Variants in MBD5 observed in about 807,000 individuals in gnomAD.
MBD5 encodes methyl-CpG binding domain protein 5.
MBD5 carries 13 observed loss-of-function variants against 117.3 expected under a neutral mutation model. The ratio of observed to expected loss-of-function variants is 0.11; its 90% CI spans 0.07 to 0.18. MBD5 has a LOEUF of 0.18. MBD5 is among the 10% of genes least tolerant of loss of function. MBD5 has a pLI of 1.00. For synonymous variants in MBD5, 727 were observed against 766.4 expected (o/e 0.95, Z 0.85); for missense variants, 1,879 against 2,093.8 (o/e 0.90, Z 2.00).
chr2:148,308,256 C>T (rs1701941216), intron 3 of MBD5, among the ~76,000 whole-genome samples: 1 of 152,046 alleles, frequency 6.6e-6, no homozygotes, highest in Non-Finnish European at 1.5e-5. Context: ...ACCCTCCCAC[C>T]ACAGTGTAAA....
Position 148,468,739 on chromosome 2 carries a change from A to G in MBD5, c.796A>G (p.Ile266Val), listed in dbSNP as rs568826753. ...TCATGGAGCTCCCAATTCTAGTCCT[A>G]TTCACCTGAATAGGACTCCTCTTTC... ...GFHGAPNSSP[I>V]HLNRTPLSPP... is the part of the protein sequence containing the mutation. Residue 266 changes from isoleucine to valine, a missense_variant, in exon 8 of 14, where the codon ATT becomes GTT. Coordinates refer to ENST00000642680, the MANE Select transcript of MBD5 (RefSeq NM_001378120.1). 192 of 1,613,884 alleles carry G rather than the reference A, an allele frequency of 1.2e-4. No individual in the cohort carries two copies. The highest frequency in any genetic ancestry group is 1.4e-4 in the Non-Finnish European group (169 of 1,179,884).
chr2:148,328,162 G>T (rs1272706668), intron 3 of MBD5, among the ~76,000 whole-genome samples: 1 of 152,180 alleles, frequency 6.6e-6, no homozygotes, highest in East Asian at 1.9e-4. Context: ...CGGGGGTCAG[G>T]GGTCAGGGAC....
At chr2:148,315,511 T>C (rs1409671339) in intron 3 of MBD5, among the ~76,000 whole-genome samples, 2 of 152,232 alleles carry the variant, frequency 1.3e-5, no homozygotes, top group African/African-American at 4.8e-5. Context: ...GCTTCATGTT[T>C]ATCCTGGGCC....
chr2:148,412,270 TTTTG>T (rs1178299024), intron 4 of MBD5, among the ~76,000 whole-genome samples: 7 of 91,074 alleles, frequency 7.7e-5, no homozygotes, highest in African/African-American at 4.5e-4. Flanking sequence ...GTAGTATACT[TTTTG>T]TGTGTGTGTG....
At chr2:148,338,880 T>C (rs947115815) in intron 3 of MBD5, among the ~76,000 whole-genome samples, 4 of 152,198 alleles carry the variant, frequency 2.6e-5, no homozygotes, top group African/African-American at 9.6e-5. Context: ...GATAGACCTG[T>C]GGCAAACTGA....
chr2:148,246,676 A>C (rs1260952844), intron 3 of MBD5, among the ~76,000 whole-genome samples: 2 of 141,516 alleles, frequency 1.4e-5, no homozygotes, highest in Non-Finnish European at 3.0e-5. Flanking sequence ...AGGCAGGAGA[A>C]TTGCTTGAAC....
At chr2:148,391,770 T>C (rs1000033420) in intron 4 of MBD5, among the ~76,000 whole-genome samples, 1 of 152,186 alleles carries the variant, frequency 6.6e-6, no homozygotes, top group Non-Finnish European at 1.5e-5. Context: ...GGTATATTGA[T>C]GAAGTTATCA....
intron 3 of MBD5, among the ~76,000 whole-genome samples, chr2:148,291,400 G>A (rs574329086): frequency 6.6e-6 from 1 of 152,244 alleles, no homozygotes; most frequent in East Asian, 1.9e-4. Context: ...TTTTTAAAAT[G>A]TAACTTCACT....
chr2:148,061,014 A>G (rs1190639837), intron 1 of MBD5, among the ~76,000 whole-genome samples: 5 of 152,096 alleles, frequency 3.3e-5, no homozygotes, highest in Non-Finnish European at 7.4e-5. Flanking sequence ...CATTGTAAAA[A>G]GTTTTCCCAA....
chr2:148,305,775 T>C (rs1701876482), intron 3 of MBD5, among the ~76,000 whole-genome samples: 1 of 152,212 alleles, frequency 6.6e-6, no homozygotes. Flanking sequence ...AAAATTAGAA[T>C]GTTAGTTTGG....
At position 148,412,919 on chromosome 2, in the gene MBD5, T is replaced by G. The variant is rs143657249; in HGVS notation, c.-556-45284T>G. On this transcript the variant is annotated intron_variant, in intron 4 of 13. Transcript: ENST00000642680. ...ATCGTCTGCAAACAGATGGTTTGGC[T>G]TCCTGTCTTTCTATTTCAATGACTT... Among the ~76,000 whole-genome samples, 342 of 152,276 alleles carry G rather than the reference T, an allele frequency of 2.2e-3. 2 individuals carry two copies. Among genetic ancestry groups the G allele is most frequent in the African/African-American group, 7.9e-3 (330 of 41,566 alleles).
intron 3 of MBD5, among the ~76,000 whole-genome samples, chr2:148,316,269 A>G (rs956294068): frequency 2.0e-5 from 3 of 152,158 alleles, no homozygotes; most frequent in Non-Finnish European, 2.9e-5. Flanking sequence ...GACTACCCCA[A>G]TCAGGACTCT....
At chr2:148,101,318 C>T (rs1696211061) in intron 1 of MBD5, among the ~76,000 whole-genome samples, 1 of 151,794 alleles carries the variant, frequency 6.6e-6, no homozygotes, top group Non-Finnish European at 1.5e-5. Context: ...AAAAATTAGC[C>T]AGGCATGGTG....
At chr2:148,296,170 G>T in intron 3 of MBD5, 1 of 202,100 alleles carries the variant, frequency 4.9e-6, no homozygotes, top group South Asian at 1.0e-4. Flanking sequence ...GGTCTGGTGT[G>T]CTGTTGTTAT....
chr2:148,333,665 A>C (rs184389793), intron 3 of MBD5, among the ~76,000 whole-genome samples: 1 of 150,348 alleles, frequency 6.7e-6, no homozygotes, highest in Non-Finnish European at 1.5e-5. Flanking sequence ...AACATGGTGA[A>C]ACCCTGTCTC....
chr2:148,171,855 T>G (rs1293518693), intron 1 of MBD5, among the ~76,000 whole-genome samples: 2 of 152,176 alleles, frequency 1.3e-5, no homozygotes, highest in Non-Finnish European at 2.9e-5. Context: ...AATAATCCCA[T>G]TTACAATCGC....
chr2:148,153,773 C>G (rs1697766450), intron 1 of MBD5, among the ~76,000 whole-genome samples: 1 of 143,006 alleles, frequency 7.0e-6, no homozygotes, highest in East Asian at 2.1e-4. Context: ...GTTCTCGAGC[C>G]TTGGTTTTCA....
chr2:148,397,354 G>A (rs1052544362), intron 4 of MBD5, among the ~76,000 whole-genome samples: 4 of 137,020 alleles, frequency 2.9e-5, no homozygotes, highest in African/African-American at 1.1e-4. Flanking sequence ...TTTTGAGACG[G>A]AGTCTCGCTG....
At position 148,485,848 on chromosome 2, in the gene MBD5, A is replaced by G. The variant is rs777597807; in HGVS notation, c.3651A>G (p.Gln1217=). ...TTCCTCCAAATCAGCAACAGCAGCA[A>G]CTTCTCCAGGGGTACCAGAATCTCC... ...QMFPPNQQQQ[Q]LLQGYQNLQA... is the part of the protein sequence containing the mutation. The change falls in exon 10 of 14, where the codon CAA becomes CAG. Residue 1217 remains glutamine (Q), a synonymous_variant. Transcript: ENST00000642680. The G allele has an allele frequency of 4.3e-6, 7 of 1,614,134 alleles. No individual in the cohort carries two copies. The highest frequency in any genetic ancestry group is 3.3e-5 in the Admixed American group (2 of 60,014).
Sources: gnomAD v4.1 joint callset for allele counts (sites outside exome capture counted in the v4.1 genomes callset) on GRCh38, gnomAD v4.1.1 for gene constraint, MANE v1.5 for transcripts, NCBI Gene and HGNC (gene_info 2026-07-23, HGNC 2026-07-21) for gene names.